The following MAD1L1 variants were observed in gnomAD, a reference collection of about 807,000 sequenced individuals.
The protein encoded by MAD1L1 is mitotic spindle assembly checkpoint protein MAD1.
A neutral mutation model predicts 96.9 loss-of-function variants in MAD1L1; 95 were observed. That is an observed-to-expected ratio of 0.98 (90% CI 0.83 to 1.16). The LOEUF (loss-of-function observed/expected upper bound fraction) is 1.16, where lower values mean the gene tolerates loss of function less well. Ranked by LOEUF, MAD1L1 falls within the 50% of genes most tolerant of loss-of-function variation. MAD1L1 has a pLI of 0.00. For synonymous variants in MAD1L1, 473 were observed against 396.6 expected (o/e 1.19, Z -2.29); for missense variants, 1,007 against 954.4 (o/e 1.06, Z -0.73).
At chr7:1,910,671 G>T (rs1042555189) in intron 17 of MAD1L1, among the ~76,000 whole-genome samples, 2 of 152,242 alleles carry the variant, frequency 1.3e-5, no homozygotes, top group Admixed American at 1.3e-4. Context: ...GTGTTTGCCC[G>T]TGTCCTGGCC....
intron 10 of MAD1L1, among the ~76,000 whole-genome samples, chr7:2,205,129 A>T (rs888462880): frequency 1.5e-5 from 2 of 134,370 alleles, no homozygotes; most frequent in Non-Finnish European, 3.1e-5. Context: ...TACAGAGGCC[A>T]AGATAACTAT....
chr7:1,847,998 A>G (rs1783736424), intron 18 of MAD1L1: 1 of 346,992 alleles, frequency 2.9e-6, no homozygotes, highest in African/African-American at 2.1e-5. Flanking sequence ...CTGGTTTTCA[A>G]ATGAACTGTG....
intron 18 of MAD1L1, among the ~76,000 whole-genome samples, chr7:1,866,258 C>T (rs1161018449): frequency 6.6e-6 from 1 of 152,154 alleles, no homozygotes; most frequent in African/African-American, 2.4e-5. Context: ...AGCCCGGGTG[C>T]GCTCTGGGAG....
intron 10 of MAD1L1, among the ~76,000 whole-genome samples, chr7:2,210,489 CGTGG>C (rs1792874216): frequency 1.7e-5 from 2 of 117,168 alleles, no homozygotes; most frequent in East Asian, 5.4e-4. Context: ...CCCGCATTCC[CGTGG>C]ACTCTCTAGG....
chr7:2,060,257 G>C (rs542492105), intron 12 of MAD1L1, among the ~76,000 whole-genome samples: 1 of 144,444 alleles, frequency 6.9e-6, no homozygotes, highest in African/African-American at 2.5e-5. Flanking sequence ...ATACGCCGAT[G>C]CCGAGATACG....
At chr7:2,143,042 C>G (rs1435219937) in intron 11 of MAD1L1, among the ~76,000 whole-genome samples, 1 of 152,170 alleles carries the variant, frequency 6.6e-6, no homozygotes, top group Non-Finnish European at 1.5e-5. Context: ...AGAAATTGTA[C>G]TTTCCCATTA....
chr7:1,910,488 C>T (rs1317527912), intron 17 of MAD1L1, among the ~76,000 whole-genome samples: 1 of 152,336 alleles, frequency 6.6e-6, no homozygotes, highest in South Asian at 2.1e-4. Context: ...GAACACCCGC[C>T]GCGGAGCCAA....
intron 11 of MAD1L1, among the ~76,000 whole-genome samples, chr7:2,120,643 C>G (rs1787931990): frequency 6.6e-6 from 1 of 152,172 alleles, no homozygotes; most frequent in African/African-American, 2.4e-5. Context: ...TTCTGTTGCT[C>G]TGTTTCCCCA....
At chr7:1,906,658 C>T (rs1412473623) in intron 17 of MAD1L1, among the ~76,000 whole-genome samples, 2 of 152,242 alleles carry the variant, frequency 1.3e-5, no homozygotes, top group African/African-American at 4.8e-5. Flanking sequence ...CTGCGGCGCA[C>T]CCTGAGCTCA....
In MAD1L1 at chr7:2,146,222, G is replaced by A. The variant is rs997576912; in HGVS notation, c.1073+2930C>T. On this transcript the variant is annotated intron_variant, in intron 11 of 18. Transcript: ENST00000265854. This position sits in a 1 kb window ranked among gnomAD's most constrained non-coding sequence, Gnocchi z 6.2. ...CCACGTGAGCTACCCCAGCGGCACC[G>A]TCACAGCAGCACCGCCTGGAAGAGG... Among the ~76,000 whole-genome samples, 2 of 152,288 alleles carry A rather than the reference G, an allele frequency of 1.3e-5. No individual in the cohort carries two copies. The highest frequency in any genetic ancestry group is 1.9e-4 in the East Asian group (1 of 5,186).
chr7:1,831,270 G>A (rs1252115771), intron 18 of MAD1L1, among the ~76,000 whole-genome samples: 7 of 152,116 alleles, frequency 4.6e-5, no homozygotes, highest in Non-Finnish European at 1.0e-4. Flanking sequence ...ATGGTACTCT[G>A]TCATCTGTGA....
intron 10 of MAD1L1, among the ~76,000 whole-genome samples, chr7:2,189,247 G>A (rs1470816338): frequency 2.0e-5 from 3 of 152,224 alleles, no homozygotes; most frequent in Non-Finnish European, 2.9e-5. Context: ...TACAGCCACT[G>A]TGGAAAGCAA....
intron 14 of MAD1L1, among the ~76,000 whole-genome samples, chr7:1,987,226 C>T (rs746090134): frequency 3.6e-4 from 55 of 152,236 alleles, no homozygotes; most frequent in Non-Finnish European, 6.6e-4. Context: ...TGACTGGGCA[C>T]GTGACTCTCC....
At chr7:2,047,630 T>C (rs991753506) in intron 12 of MAD1L1, among the ~76,000 whole-genome samples, 5 of 152,188 alleles carry the variant, frequency 3.3e-5, no homozygotes, top group African/African-American at 1.2e-4. Context: ...CCAAAATGCA[T>C]AAAAGAACCA....
Position 2,222,744 on chromosome 7 carries a change from T to C in MAD1L1, c.302A>G (p.Asp101Gly). ...GCGCGTCAGGAGCTCCTGGTTGCGG[T>C]CGACCTCACGCTGTTAAGAGAGCAA... ...TSARNYEREV[D>G]RNQELLTRIR... Residue 101 changes from aspartate (D) to glycine (G), a missense_variant, in exon 5 of 19, where the codon GAC (aspartate) becomes GGC (glycine). By Grantham distance (94) the Asp-to-Gly change is moderately conservative. Transcript: ENST00000265854. 14 of 1,601,526 alleles carry C rather than the reference T, an allele frequency of 8.7e-6. No homozygotes were observed. Among genetic ancestry groups the C allele is most frequent in the Non-Finnish European group, 1.2e-5 (14 of 1,178,248 alleles).
intron 17 of MAD1L1, among the ~76,000 whole-genome samples, chr7:1,900,984 C>T (rs115180621): frequency 0.018 from 2,804 of 152,174 alleles, 76 homozygotes; most frequent in African/African-American, 0.063. Context: ...TGGGCCGCCG[C>T]ACTCACTCCT....
At chr7:1,841,351 T>G (rs1583519275) in intron 18 of MAD1L1, among the ~76,000 whole-genome samples, 1 of 152,206 alleles carries the variant, frequency 6.6e-6, no homozygotes, top group Non-Finnish European at 1.5e-5. Context: ...CTGCATCTCA[T>G]GAAACAGACG....
chr7:2,137,469 TA>T (rs1327811270), intron 11 of MAD1L1, among the ~76,000 whole-genome samples: 2 of 152,166 alleles, frequency 1.3e-5, no homozygotes, highest in Non-Finnish European at 2.9e-5. Context: ...GCAGGCATGT[TA>T]CCGGTCTGCT....
At chr7:2,229,232 G>A (rs1794071767) in intron 3 of MAD1L1, among the ~76,000 whole-genome samples, 1 of 152,118 alleles carries the variant, frequency 6.6e-6, no homozygotes, top group African/African-American at 2.4e-5. Context: ...GGTCCAGGCA[G>A]AGGAGCCTAG....
Sources: gnomAD v4.1 joint callset for allele counts (sites outside exome capture counted in the v4.1 genomes callset) on GRCh38, gnomAD v4.1.1 for gene constraint, Gnocchi (gnomAD v3.1) non-coding constraint, MANE v1.5 for transcripts, NCBI Gene and HGNC (gene_info 2026-07-23, HGNC 2026-07-21) for gene names.